SHISA9: variants seen among roughly 807,000 people sequenced by gnomAD.
SHISA9 encodes protein shisa-9.
Under a neutral mutation model 38.0 loss-of-function variants are expected in SHISA9, and 13 were observed. The observed-to-expected ratio is 0.34, with a 90% CI of 0.22 to 0.54. The LOEUF is 0.54. SHISA9 is among the 20% of genes least tolerant of loss of function. SHISA9 has a pLI of 0.91. For synonymous variants in SHISA9, 275 were observed against 242.0 expected (o/e 1.14, Z -1.27); for missense variants, 538 against 575.8 (o/e 0.93, Z 0.67).
chr16:13,032,997 G>C (rs538837383), intron 2 of SHISA9, among the ~76,000 whole-genome samples: 2 of 152,330 alleles, frequency 1.3e-5, no homozygotes, highest in South Asian at 4.1e-4. Context: ...CCTGCCTTCT[G>C]CTGTGTTGGC....
intron 2 of SHISA9, among the ~76,000 whole-genome samples, chr16:13,162,510 A>G (rs760555621): frequency 1.3e-5 from 2 of 152,182 alleles, no homozygotes; most frequent in Non-Finnish European, 2.9e-5. Context: ...AATACACGAG[A>G]CTGATTGCTT....
At position 12,925,473 on chromosome 16, in the gene SHISA9, G is replaced by GTGTGTGTGTGTA. The variant is rs113968316; in HGVS notation, c.691+8658_691+8659insTGTGTGTGTGTA. On this transcript the variant is annotated intron_variant, in intron 2 of 4. Coordinates refer to ENST00000558583, the MANE Select transcript of SHISA9 (RefSeq NM_001145204.3). ...TGTGTGTGTGTGTGTGTGTGTGTGTGCAAGCAACAGAGAAAGACAACCCTT... is the reference window on the plus strand; with the variant it reads ...TGTGTGTGTGTGTGTGTGTGTGTGTGTGTGTGTGTGTACAAGCAACAGAGAAAGACAACCCTT... Among the ~76,000 whole-genome samples the GTGTGTGTGTGTA allele has an allele frequency of 7.0e-3, 1,048 of 150,580 alleles. 5 individuals are homozygous for GTGTGTGTGTGTA. The highest frequency in any genetic ancestry group is 9.1e-3 in the African/African-American group (373 of 40,990).
chr16:13,006,768 C>T (rs1214056665), intron 2 of SHISA9, among the ~76,000 whole-genome samples: 1 of 152,176 alleles, frequency 6.6e-6, no homozygotes, highest in African/African-American at 2.4e-5. Context: ...TACCCTCCTG[C>T]AGCCTGCCTG....
chr16:13,437,560 G>C, the SHISA9 span, among the ~76,000 whole-genome samples: 1 of 152,154 alleles, frequency 6.6e-6, no homozygotes. Context: ...CCCAGGGCCC[G>C]TGTGTTTACC....
At chr16:13,426,794 G>A in the SHISA9 span, among the ~76,000 whole-genome samples, 28 of 152,136 alleles carry the variant, frequency 1.8e-4, no homozygotes, top group African/African-American at 6.3e-4. Context: ...TCCTCACCTC[G>A]CAGTGTGGTT....
the SHISA9 span, among the ~76,000 whole-genome samples, chr16:13,543,238 A>G: frequency 1.9e-4 from 29 of 152,196 alleles, no homozygotes; most frequent in Non-Finnish European, 4.0e-4. Flanking sequence ...ACAATGTGGT[A>G]TAATGTTAGA....
the SHISA9 span, among the ~76,000 whole-genome samples, chr16:13,271,779 T>G: frequency 1.5e-4 from 23 of 148,650 alleles, 1 homozygote; most frequent in South Asian, 2.3e-3. Flanking sequence ...ATGGGGGGGG[T>G]GTGTGTGTGA....
chr16:13,434,486 C>T, the SHISA9 span, among the ~76,000 whole-genome samples: 1 of 139,856 alleles, frequency 7.2e-6, no homozygotes, highest in African/African-American at 2.6e-5. Context: ...GGCGCGATCT[C>T]GGCTCACTGC....
chr16:12,927,902 A>C (rs275395), intron 2 of SHISA9, among the ~76,000 whole-genome samples: 56,125 of 151,978 alleles, frequency 0.37, 10,529 homozygotes, highest in South Asian at 0.48. Context: ...TTGGTATACC[A>C]CACTTCTGGT....
intron 2 of SHISA9, among the ~76,000 whole-genome samples, chr16:13,184,415 A>T (rs1308511889): frequency 6.6e-6 from 1 of 152,164 alleles, no homozygotes; most frequent in East Asian, 1.9e-4. Context: ...ACCAGCAGTT[A>T]CTCTACGTTT....
chr16:13,219,949 C>A (rs1149411), intron 4 of SHISA9, among the ~76,000 whole-genome samples: 68,767 of 151,738 alleles, frequency 0.45, 16,457 homozygotes, highest in East Asian at 0.75. Context: ...CAGAGTGAGA[C>A]TCCATCTCAG....
chr16:13,469,435 G>GAGAAAA, the SHISA9 span, among the ~76,000 whole-genome samples: 12 of 124,470 alleles, frequency 9.6e-5, no homozygotes, highest in African/African-American at 3.7e-4. Context: ...AAGAAAGAAA[G>GAGAAAA]AGAAAGAAAG....
At chr16:13,022,434 C>T (rs960008854) in intron 2 of SHISA9, among the ~76,000 whole-genome samples, 9 of 152,012 alleles carry the variant, frequency 5.9e-5, no homozygotes, top group Non-Finnish European at 1.0e-4. Context: ...CGGGTTCACG[C>T]GATTCTCCTG....
chr16:13,391,256 TAA>T, the SHISA9 span, among the ~76,000 whole-genome samples: 4 of 152,208 alleles, frequency 2.6e-5, no homozygotes, highest in African/African-American at 7.2e-5. Flanking sequence ...GTACTAAATA[TAA>T]GTCTATTATC....
the SHISA9 span, among the ~76,000 whole-genome samples, chr16:13,554,218 T>TA: frequency 6.6e-6 from 1 of 151,064 alleles, no homozygotes; most frequent in Non-Finnish European, 1.5e-5. Context: ...CCAAGCTACA[T>TA]ACTCCAGGAA....
At chr16:13,436,986 T>G in the SHISA9 span, among the ~76,000 whole-genome samples, 1 of 152,168 alleles carries the variant, frequency 6.6e-6, no homozygotes, top group Non-Finnish European at 1.5e-5. Flanking sequence ...GGAACTGCCC[T>G]TTATAAACCG....
At chr16:13,027,616 A>G (rs1005068758) in intron 2 of SHISA9, among the ~76,000 whole-genome samples, 2 of 152,218 alleles carry the variant, frequency 1.3e-5, no homozygotes, top group African/African-American at 4.8e-5. Context: ...GCAATAAAAA[A>G]TAATGAATAT....
At chr16:13,137,751 G>C (rs747554650) in intron 2 of SHISA9, among the ~76,000 whole-genome samples, 9 of 152,126 alleles carry the variant, frequency 5.9e-5, no homozygotes, top group Non-Finnish European at 1.2e-4. Context: ...ACCGCACCTG[G>C]CTGGAGGATC....
chr16:13,212,119 A>G (rs1302688740), intron 3 of SHISA9, among the ~76,000 whole-genome samples: 1 of 152,066 alleles, frequency 6.6e-6, no homozygotes, highest in Non-Finnish European at 1.5e-5. Context: ...ATGGGGCCGG[A>G]TCTGTGCTCT....
Sources: gnomAD v4.1 joint callset for allele counts (sites outside exome capture counted in the v4.1 genomes callset) on GRCh38, gnomAD v4.1.1 for gene constraint, MANE v1.5 for transcripts, NCBI Gene and HGNC (gene_info 2026-07-23, HGNC 2026-07-21) for gene names.